The following SHROOM3 variants were observed in gnomAD, a reference collection of about 807,000 sequenced individuals.
The protein encoded by SHROOM3 is shroom family member 3.
SHROOM3 carries 47 observed loss-of-function variants against 138.6 expected under a neutral mutation model. That is an observed-to-expected ratio of 0.34 (90% confidence interval 0.27 to 0.43). The LOEUF (loss-of-function observed/expected upper bound fraction) is 0.43, where lower values mean the gene tolerates loss of function less well. Among genes scored for constraint, SHROOM3 ranks in the 20% least tolerant of loss-of-function variants. The pLI, the probability that SHROOM3 is intolerant of heterozygous loss-of-function variation, is 1.00. For missense variants in SHROOM3, 2,491 were observed against 2,596.5 expected, an observed-to-expected ratio of 0.96 and a Z score of 0.88; for synonymous variants, 1,062 against 1,063.3, an observed-to-expected ratio of 1.00 and a Z score of 0.02.
At position 76,781,130 on chromosome 4, in the gene SHROOM3, T is replaced by G. The variant is rs989652642; in HGVS notation, c.*1953T>G. The G allele has an allele frequency of 2.0e-5, 3 of 152,196 alleles. No individual in the cohort carries two copies. Among genetic ancestry groups the G allele is most frequent in the African/African-American group, 7.2e-5 (3 of 41,436 alleles). 9.4% of individuals were successfully genotyped at this position (152,196 alleles called of 1,614,324 possible). ...CATATTCAGTCTTTCTCAAAAATTT[T>G]TATTTATTTTCTTGAGAAAGGGTCT... On this transcript the variant is annotated 3_prime_UTR_variant, in exon 11 of 11. Coordinates refer to ENST00000296043, the MANE Select transcript of SHROOM3 (RefSeq NM_020859.4).
intron 10 of SHROOM3, among the ~76,000 whole-genome samples, chr4:76,772,238 A>G (rs528289518): frequency 6.6e-6 from 1 of 151,136 alleles, no homozygotes; most frequent in East Asian, 2.0e-4. Flanking sequence ...CAAGTAGCTG[A>G]GATTACAGGT....
rs1185065850 is a variant in SHROOM3, at chr4:76,738,645, C to G, written c.588-116C>G. On this transcript the variant is annotated intron_variant, in intron 4 of 10. Coordinates refer to ENST00000296043, the MANE Select transcript of SHROOM3 (RefSeq NM_020859.4). ...GCCCAAATATGGCCCTTTTTACCCA[C>G]CCTTCCAAACACCAAACCTCTTGCA... The G allele has an allele frequency of 2.4e-6, 3 of 1,269,590 alleles. No individual in the cohort carries two copies. The East Asian group carries it at 6.9e-5, about 29-fold the overall frequency. 78.6% of individuals were successfully genotyped at this position (1,269,590 alleles called of 1,614,324 possible). A position where few individuals can be genotyped will look rare whatever the true frequency, so the allele number is the denominator to read the frequency against.
In SHROOM3 at chr4:76,730,813, G is replaced by A; in HGVS notation, c.465G>A (p.Glu155=). 1 of 1,614,056 alleles carries A rather than the reference G, an allele frequency of 6.2e-7. No individual in the cohort carries two copies. The part of the protein sequence containing the change: ...VKLRLKHRRS[E]PAGRPHSWHT... Reference sequence around the variant, plus strand: ...TCCTGTGTCTCCCCAGGCGCAGTGAGCCTGCAGGCCGACCTCACTCGTGGC... The same window carrying A: ...TCCTGTGTCTCCCCAGGCGCAGTGAACCTGCAGGCCGACCTCACTCGTGGC... Residue 155 remains glutamate, a synonymous_variant, in exon 4 of 11, where the codon GAG becomes GAA. Transcript: ENST00000296043.
intron 2 of SHROOM3, among the ~76,000 whole-genome samples, chr4:76,665,447 A>C (rs1481511377): frequency 3.3e-5 from 5 of 152,244 alleles, no homozygotes; most frequent in Non-Finnish European, 7.3e-5. Flanking sequence ...TTGGACTGTC[A>C]GAAGAACCAG....
rs115030091 is a variant in SHROOM3, at chr4:76,499,917, G to A, written c.169-55692G>A. On this transcript the variant is annotated intron_variant, in intron 1 of 10. Coordinates refer to ENST00000296043, the MANE Select transcript of SHROOM3 (RefSeq NM_020859.4). The stretch of plus-strand genomic sequence containing the variant: ...GAAGGGCAAAGCTTAAAATAAAAAT[G>A]ATAGCTACCACTTACGGAATTCACT... Among the ~76,000 whole-genome samples the A allele has an allele frequency of 8.7e-3, 1,323 of 152,286 alleles. 21 individuals carry two copies. Among genetic ancestry groups the A allele is most frequent in the African/African-American group, 0.03 (1,229 of 41,556 alleles).
intron 3 of SHROOM3, among the ~76,000 whole-genome samples, chr4:76,719,387 C>T (rs1009316819): frequency 2.0e-5 from 3 of 152,140 alleles, no homozygotes; most frequent in African/African-American, 7.2e-5. Context: ...ATAAAATGCC[C>T]AGTTCCAAAT....
chr4:76,647,643 C>T (rs1478448877), intron 2 of SHROOM3, among the ~76,000 whole-genome samples: 1 of 151,998 alleles, frequency 6.6e-6, no homozygotes, highest in Non-Finnish European at 1.5e-5. Context: ...ACCTGTAATC[C>T]CAGCACTTTG....
chr4:76,652,628 C>T (rs1180662943), intron 2 of SHROOM3, among the ~76,000 whole-genome samples: 1 of 152,116 alleles, frequency 6.6e-6, no homozygotes, highest in Non-Finnish European at 1.5e-5. Context: ...ACTCATGCAA[C>T]AGCATAAAAG....
chr4:76,638,156 C>T (rs1042559076), intron 2 of SHROOM3, among the ~76,000 whole-genome samples: 1 of 152,042 alleles, frequency 6.6e-6, no homozygotes, highest in Non-Finnish European at 1.5e-5. Context: ...TTAATAGCAC[C>T]AAATGTGTAG....
chr4:76,745,746 C>T (rs909836114), intron 5 of SHROOM3, among the ~76,000 whole-genome samples: 9 of 152,118 alleles, frequency 5.9e-5, no homozygotes, highest in Admixed American at 4.6e-4. Context: ...CTTGGGAGGC[C>T]GAGGTGGCTA....
rs1048597538 is a variant in SHROOM3, at chr4:76,617,739, AT to A, written c.323+61982del. Reference sequence around the variant, plus strand: ...CCAGGAATTGACCTATATTTATTGTATTTTTTAACCAATAATTAACACATAG... The same window carrying A: ...CCAGGAATTGACCTATATTTATTGTATTTTTAACCAATAATTAACACATAG... On this transcript the variant is annotated intron_variant, in intron 2 of 10. Transcript: ENST00000296043. Among the ~76,000 whole-genome samples the A allele has an allele frequency of 2.0e-5, 3 of 152,182 alleles. No homozygotes were observed. The South Asian group carries it at 6.2e-4, about 32-fold the overall frequency.
intron 2 of SHROOM3, among the ~76,000 whole-genome samples, chr4:76,603,834 T>C (rs13128759): frequency 6.8e-6 from 1 of 146,114 alleles, no homozygotes; most frequent in Non-Finnish European, 1.5e-5. Flanking sequence ...AAGCATCTTG[T>C]ATTCTTTTTT....
intron 3 of SHROOM3, chr4:76,716,179 A>C (rs568366306): frequency 5.0e-6 from 2 of 402,458 alleles, no homozygotes; most frequent in Non-Finnish European, 9.8e-6. Context: ...TAATTGGCCA[A>C]TTTACAGAGG....
intron 1 of SHROOM3, among the ~76,000 whole-genome samples, chr4:76,534,861 A>G (rs903634469): frequency 6.6e-6 from 1 of 151,042 alleles, no homozygotes; most frequent in African/African-American, 2.4e-5. Flanking sequence ...GGCACTTAAC[A>G]TGACACAAGC....
chr4:76,767,237 C>G (rs138996395), intron 9 of SHROOM3, among the ~76,000 whole-genome samples: 86 of 152,224 alleles, frequency 5.6e-4, no homozygotes, highest in African/African-American at 2.0e-3. Context: ...GCTTAGGTGC[C>G]GGAGAGAGCT....
At chr4:76,761,782 T>C (rs1721994205) in intron 9 of SHROOM3, among the ~76,000 whole-genome samples, 2 of 152,160 alleles carry the variant, frequency 1.3e-5, no homozygotes, top group East Asian at 1.9e-4. Context: ...TTGGAGTGCC[T>C]TTTGGGGGAG....
chr4:76,732,353 AG>A (rs1289610881), intron 4 of SHROOM3, among the ~76,000 whole-genome samples: 1 of 152,214 alleles, frequency 6.6e-6, no homozygotes, highest in Non-Finnish European at 1.5e-5. Context: ...GCCAGAACTC[AG>A]TCACAGCCCT....
intron 1 of SHROOM3, among the ~76,000 whole-genome samples, chr4:76,485,975 C>A (rs753862096): frequency 6.6e-6 from 1 of 152,062 alleles, no homozygotes; most frequent in Non-Finnish European, 1.5e-5. Context: ...CTGTTTTTCT[C>A]CTTCTTAAAC....
chr4:76,647,702 C>T (rs1422929254), intron 2 of SHROOM3, among the ~76,000 whole-genome samples: 3 of 152,108 alleles, frequency 2.0e-5, no homozygotes, highest in Non-Finnish European at 4.4e-5. Flanking sequence ...CAAGACCAGC[C>T]TGGGCAACAT....
Sources: gnomAD v4.1 joint callset for allele counts (sites outside exome capture counted in the v4.1 genomes callset) on GRCh38, gnomAD v4.1.1 for gene constraint, MANE v1.5 for transcripts, NCBI Gene and HGNC (gene_info 2026-07-23, HGNC 2026-07-21) for gene names.